PPM1L: variants seen among roughly 807,000 people sequenced by gnomAD.
PPM1L encodes protein phosphatase 1L.
PPM1L carries 13 observed loss-of-function variants against 31.4 expected under a neutral mutation model. The observed-to-expected ratio is 0.41, with a 90% CI of 0.27 to 0.66. PPM1L has a LOEUF of 0.66. Among genes scored for constraint, PPM1L ranks in the 30% least tolerant of loss-of-function variants. The probability of loss-of-function intolerance (pLI) is 0.29; values close to 1 mark genes in which losing one functional copy is unlikely to be tolerated. For missense variants in PPM1L, 326 were observed against 453.7 expected (o/e 0.72, Z 2.56); for synonymous variants, 184 against 175.4 (o/e 1.05, Z -0.39).
chr3:161,030,330 TTTTG>T (rs1173386931), intron 2 of PPM1L, among the ~76,000 whole-genome samples: 3 of 152,146 alleles, frequency 2.0e-5, no homozygotes, highest in South Asian at 2.1e-4. Flanking sequence ...CCCCACTTTT[TTTTG>T]TTTGTTTGTT....
rs1172757053 is a variant in PPM1L, at chr3:160,756,503, G to C, written c.195G>C (p.Glu65Asp). ...AGATGGTGAAGGGCAAGGTAGCCGA[G>C]ATCATGCAGAACGATCGACTCGGGG... Reference protein sequence around the residue: ...AVKMVKGKVAEIMQNDRLGGL... With the variant: ...AVKMVKGKVADIMQNDRLGGL... The change falls in exon 1 of 4, where the codon GAG becomes GAC. Residue 65 changes from glutamate to aspartate, a missense_variant. Coordinates refer to ENST00000498165, the MANE Select transcript of PPM1L (RefSeq NM_139245.4). The surrounding 1 kb of genome is among the most constrained non-coding windows in gnomAD (Gnocchi z 6.2). 6.2e-7 allele frequency: 1 copy of C among 1,614,200 alleles called. No individual in the cohort carries two copies.
At chr3:161,044,988 CAG>C (rs1489670972) in intron 2 of PPM1L, among the ~76,000 whole-genome samples, 3 of 152,110 alleles carry the variant, frequency 2.0e-5, no homozygotes, top group Non-Finnish European at 4.4e-5. Flanking sequence ...TCTGATAAAA[CAG>C]ATTTTAAACC....
At chr3:160,897,681 T>C (rs1713389000) in intron 1 of PPM1L, among the ~76,000 whole-genome samples, 1 of 152,218 alleles carries the variant, frequency 6.6e-6, no homozygotes, top group African/African-American at 2.4e-5. Context: ...ACCTCTCCCT[T>C]CTAAGATTTT....
chr3:160,850,243 A>G (rs1276568823), intron 1 of PPM1L, among the ~76,000 whole-genome samples: 1 of 152,168 alleles, frequency 6.6e-6, no homozygotes, highest in African/African-American at 2.4e-5. Context: ...AGCCAGATGA[A>G]AGAGATTCAT....
chr3:160,873,728 G>A (rs1439993800), intron 1 of PPM1L, among the ~76,000 whole-genome samples: 1 of 151,974 alleles, frequency 6.6e-6, no homozygotes, highest in East Asian at 1.9e-4. Flanking sequence ...TTGTATTTTT[G>A]TAGAGAGAGG....
At chr3:161,030,659 C>A (rs73875444) in intron 2 of PPM1L, among the ~76,000 whole-genome samples, 1 of 152,062 alleles carries the variant, frequency 6.6e-6, no homozygotes. Flanking sequence ...TAGAGTCAGA[C>A]TTCTAGATGG....
At chr3:160,984,831 C>T (rs185534400) in intron 2 of PPM1L, among the ~76,000 whole-genome samples, 357 of 152,206 alleles carry the variant, frequency 2.3e-3, no homozygotes, top group African/African-American at 8.4e-3. Context: ...CTACCAGAGG[C>T]GATATCTACC....
intron 1 of PPM1L, among the ~76,000 whole-genome samples, chr3:160,838,590 T>G (rs1475116221): frequency 6.6e-6 from 1 of 152,214 alleles, no homozygotes; most frequent in African/African-American, 2.4e-5. Flanking sequence ...GAAAAACAAC[T>G]ATGTAGACTA....
rs547715492 is a variant in PPM1L, at chr3:160,854,092, GTTAT to G, written c.399+97389_399+97392del. Among the ~76,000 whole-genome samples, 30 of 152,298 alleles carry G rather than the reference GTTAT, an allele frequency of 2.0e-4. 1 individual carries two copies. In the South Asian group the frequency reaches 6.2e-3, roughly 32 times the overall value. On this transcript the variant is annotated intron_variant, in intron 1 of 3. Coordinates refer to ENST00000498165, the MANE Select transcript of PPM1L (RefSeq NM_139245.4). Reference sequence around the variant, plus strand: ...TGGCATGCCAGGCAGGTGGTACCCAGTTATTTAGAGAGATCTTTCTTTCAGACCT... The same window carrying G: ...TGGCATGCCAGGCAGGTGGTACCCAGTTAGAGAGATCTTTCTTTCAGACCT...
intron 2 of PPM1L, among the ~76,000 whole-genome samples, chr3:160,986,696 T>C (rs370288450): frequency 3.2e-4 from 49 of 152,248 alleles, no homozygotes; most frequent in East Asian, 1.2e-3. Flanking sequence ...GGGAAGATAA[T>C]TTAATCTTCC....
intron 1 of PPM1L, among the ~76,000 whole-genome samples, chr3:160,899,223 C>T (rs1014833168): frequency 2.0e-5 from 3 of 152,082 alleles, no homozygotes; most frequent in Non-Finnish European, 4.4e-5. Flanking sequence ...TCTTCCAAAC[C>T]TATGCTCTTA....
chr3:161,029,350 T>A (rs189625238), intron 2 of PPM1L, among the ~76,000 whole-genome samples: 7 of 152,360 alleles, frequency 4.6e-5, no homozygotes, highest in African/African-American at 1.7e-4. Flanking sequence ...GAGCTAAGAT[T>A]TGAAACCCCT....
At chr3:160,994,064 G>C (rs1402672313) in intron 2 of PPM1L, among the ~76,000 whole-genome samples, 1 of 151,604 alleles carries the variant, frequency 6.6e-6, no homozygotes, top group Non-Finnish European at 1.5e-5. Flanking sequence ...TTATAGGGGG[G>C]TGGGGGCGGA....
chr3:160,973,803 T>G (rs1414547587), intron 2 of PPM1L, among the ~76,000 whole-genome samples: 2 of 130,512 alleles, frequency 1.5e-5, no homozygotes, highest in Non-Finnish European at 3.6e-5. Flanking sequence ...TAACCAAGAC[T>G]TGTCTTTATT....
chr3:161,071,487 C>T lies in PPM1L; in HGVS notation c.*2330C>T, dbSNP rs1475842953. On this transcript the variant is annotated 3_prime_UTR_variant, in exon 4 of 4. Coordinates refer to ENST00000498165, the MANE Select transcript of PPM1L (RefSeq NM_139245.4). ...GTGCACGAGTTACATAACTTTCTCT[C>T]TAATTGAGGTTCACAAGGCGTCTTC... 2 of 152,214 alleles carry T rather than the reference C, an allele frequency of 1.3e-5. No individual in the cohort carries two copies. Among genetic ancestry groups the T allele is most frequent in the Non-Finnish European group, 2.9e-5 (2 of 68,038 alleles). The allele number at this position is 152,214 out of a possible 1,614,324, so 9.4% of individuals were successfully genotyped here.
At chr3:160,827,951 A>G (rs962546730) in intron 1 of PPM1L, among the ~76,000 whole-genome samples, 1 of 152,050 alleles carries the variant, frequency 6.6e-6, no homozygotes, top group Non-Finnish European at 1.5e-5. Flanking sequence ...AGTGAGAGAA[A>G]GAGCAAGAGA....
At chr3:160,818,592 T>A (rs535449808) in intron 1 of PPM1L, among the ~76,000 whole-genome samples, 1 of 152,036 alleles carries the variant, frequency 6.6e-6, no homozygotes, top group East Asian at 1.9e-4. Flanking sequence ...GCAGTTGTGC[T>A]ATTAAAAATC....
At chr3:160,797,412 C>T (rs1008460551) in intron 1 of PPM1L, among the ~76,000 whole-genome samples, 1 of 152,146 alleles carries the variant, frequency 6.6e-6, no homozygotes, top group Non-Finnish European at 1.5e-5. Context: ...TGAGACACAA[C>T]AATATTGAAA....
chr3:160,891,039 C>T (rs1053918625), intron 1 of PPM1L, among the ~76,000 whole-genome samples: 1 of 152,140 alleles, frequency 6.6e-6, no homozygotes. Flanking sequence ...AAAACGTAGG[C>T]AGTACCATTG....
Sources: allele counts gnomAD v4.1 joint callset (sites outside exome capture counted in the v4.1 genomes callset), GRCh38; gene constraint gnomAD v4.1.1; non-coding constraint Gnocchi (gnomAD v3.1); transcripts MANE v1.5; gene names NCBI Gene and HGNC (gene_info 2026-07-23, HGNC 2026-07-21).